The following PCDHGC4 variants were observed in gnomAD, a reference collection of about 807,000 sequenced individuals.
The protein encoded by PCDHGC4 is protocadherin gamma-C4.
In PCDHGC4, 15 loss-of-function variants were observed where a neutral mutation model predicts 59.7. The ratio of observed to expected loss-of-function variants is 0.25; its 90% CI spans 0.17 to 0.39. PCDHGC4 has a LOEUF of 0.39. Ranked by LOEUF, PCDHGC4 falls within the 10% of genes least tolerant of loss-of-function variation. The probability of loss-of-function intolerance (pLI) is 1.00; values close to 1 mark genes in which losing one functional copy is unlikely to be tolerated. For synonymous variants in PCDHGC4, 434 were observed against 481.4 expected (o/e 0.90, Z 1.29); for missense variants, 1,016 against 1,189.5 (o/e 0.85, Z 2.15).
chr5:141,490,903 C>G lies in PCDHGC4; in HGVS notation c.2442+3288C>G. 6.2e-7 allele frequency: 1 copy of G among 1,613,764 alleles called. No homozygotes were observed. The highest frequency in any genetic ancestry group is 1.7e-5 in the Admixed American group (1 of 60,022). On this transcript the variant is annotated intron_variant, in intron 1 of 3. Coordinates refer to ENST00000306593, the MANE Select transcript of PCDHGC4 (RefSeq NM_018928.3). This position sits in a 1 kb window ranked among gnomAD's most constrained non-coding sequence, Gnocchi z 5.4. ...CAACACATCTCTGCATGTGTTTGTC[C>G]TAGACGAGAATGATAATGCCCCAGC... is the stretch of plus-strand genomic sequence containing the variant.
At chr5:141,497,849 T>G (rs1337258582) in intron 2 of PCDHGC4, among the ~76,000 whole-genome samples, 1 of 152,192 alleles carries the variant, frequency 6.6e-6, no homozygotes, top group African/African-American at 2.4e-5. Flanking sequence ...ACAAACATTT[T>G]TGATTCAGCG....
rs762574320 is a variant in PCDHGC4, at chr5:141,485,926, G to A, written c.753G>A (p.Val251=). The A allele has an allele frequency of 2.0e-5, 32 of 1,614,090 alleles. No individual in the cohort carries two copies. Among genetic ancestry groups the A allele is most frequent in the Admixed American group, 1.2e-4 (7 of 60,006 alleles). ...AFQQSSYRIS[V]LESAPAGMVL... ...AGCAATCCAGCTACAGGATTAGTGT[G>A]TTGGAGAGCGCACCAGCGGGCATGG... The change falls in exon 1 of 4, where the codon GTG becomes GTA. Residue 251 remains valine, a synonymous_variant. Transcript: ENST00000306593. The surrounding 1 kb of genome is among the most constrained non-coding windows in gnomAD (Gnocchi z 5.7).
chr5:141,500,989 C>T (rs779352768), intron 2 of PCDHGC4, among the ~76,000 whole-genome samples: 1 of 152,040 alleles, frequency 6.6e-6, no homozygotes, highest in Non-Finnish European at 1.5e-5. Context: ...CTGCCTCAGC[C>T]TCCTGAGTAG....
rs553462245 is a variant in PCDHGC4 at position 141,511,198 on chromosome 5, A to T, written c.*25A>T. Reference sequence around the variant, plus strand: ...ACATGGAGGCCAGGCCAAGAGCCACAGGGCGGCCTCTCCCCAACCAGCCCA... The same window carrying T: ...ACATGGAGGCCAGGCCAAGAGCCACTGGGCGGCCTCTCCCCAACCAGCCCA... On this transcript the variant is annotated 3_prime_UTR_variant, in exon 4 of 4. Transcript: ENST00000306593. The T allele has an allele frequency of 2.7e-5, 43 of 1,612,954 alleles. 1 individual carries two copies. The South Asian group carries it at 4.5e-4, about 17-fold the overall frequency.
chr5:141,510,582 A>G (rs1156375287), intron 3 of PCDHGC4, among the ~76,000 whole-genome samples: 2 of 152,166 alleles, frequency 1.3e-5, no homozygotes, highest in Non-Finnish European at 2.9e-5. Context: ...TATTTTACGT[A>G]CCTGACATAC....
At chr5:141,504,570 AC>A (rs1468526948) in intron 2 of PCDHGC4, among the ~76,000 whole-genome samples, 1 of 148,874 alleles carries the variant, frequency 6.7e-6, no homozygotes, top group Admixed American at 6.9e-5. Flanking sequence ...ATTCTAGGGA[AC>A]ACCATCTGCC....
At position 141,489,090 on chromosome 5, in the gene PCDHGC4, C is replaced by A; in HGVS notation, c.2442+1475C>A. On this transcript the variant is annotated intron_variant, in intron 1 of 3. Transcript: ENST00000306593. The surrounding 1 kb of genome is among the most constrained non-coding windows in gnomAD (Gnocchi z 4.5). Reference sequence around the variant, plus strand: ...CCTGCCCACCCCCGCCACTCGGTGACTAAGAACTGCTGCAAGCAGGCAAAC... The same window carrying A: ...CCTGCCCACCCCCGCCACTCGGTGAATAAGAACTGCTGCAAGCAGGCAAAC... The A allele has an allele frequency of 1.5e-5, 5 of 328,802 alleles. No individual in the cohort carries two copies. The highest frequency in any genetic ancestry group is 4.8e-5 in the East Asian group (1 of 20,928). 20.4% of individuals were successfully genotyped at this position (328,802 alleles called of 1,614,324 possible).
rs1484954022 is a variant in PCDHGC4 at position 141,511,920 on chromosome 5, T to C, written c.*747T>C. 1 of 156,200 alleles carries C rather than the reference T, an allele frequency of 6.4e-6. No individual in the cohort carries two copies. Among genetic ancestry groups the C allele is most frequent in the Non-Finnish European group, 1.4e-5 (1 of 70,262 alleles). The allele number at this position is 156,200 out of a possible 1,614,324, so 9.7% of individuals were successfully genotyped here. The stretch of plus-strand genomic sequence containing the variant: ...CTCCTCCTCAAACAAGAGACTCCAC[T>C]GCATGTTCCAAGACAGTATGGGGTG... On this transcript the variant is annotated 3_prime_UTR_variant, in exon 4 of 4. Coordinates refer to ENST00000306593, the MANE Select transcript of PCDHGC4 (RefSeq NM_018928.3).
chr5:141,489,089 A>C lies in PCDHGC4; in HGVS notation c.2442+1474A>C. 6 of 284,452 alleles carry C rather than the reference A, an allele frequency of 2.1e-5. No individual in the cohort carries two copies. The highest frequency in any genetic ancestry group is 5.7e-5 in the East Asian group (1 of 17,568). The allele number at this position is 284,452 out of a possible 1,614,324, so 17.6% of individuals were successfully genotyped here. A position where few individuals can be genotyped will look rare whatever the true frequency, so the allele number is the denominator to read the frequency against. Reference sequence around the variant, plus strand: ...CCCTGCCCACCCCCGCCACTCGGTGACTAAGAACTGCTGCAAGCAGGCAAA... The same window carrying C: ...CCCTGCCCACCCCCGCCACTCGGTGCCTAAGAACTGCTGCAAGCAGGCAAA... On this transcript the variant is annotated intron_variant, in intron 1 of 3. Transcript: ENST00000306593. This position sits in a 1 kb window ranked among gnomAD's most constrained non-coding sequence, Gnocchi z 4.5.
chr5:141,504,510 C>T (rs2099838864), intron 2 of PCDHGC4, among the ~76,000 whole-genome samples: 1 of 151,952 alleles, frequency 6.6e-6, no homozygotes, highest in Non-Finnish European at 1.5e-5. Context: ...GAGTGGATCT[C>T]CTCTGATATA....
Position 141,490,983 on chromosome 5 carries a change from C to T in PCDHGC4, c.2442+3368C>T. ...ACTCAGCCCCCCAGCGTCTCCCTCG[C>T]TCTGCTCCTCCTGGCTCCTTGGTCA... On this transcript the variant is annotated intron_variant, in intron 1 of 3. Transcript: ENST00000306593. The surrounding 1 kb of genome is among the most constrained non-coding windows in gnomAD (Gnocchi z 5.4). 2 of 1,614,120 alleles carry T rather than the reference C, an allele frequency of 1.2e-6. No individual in the cohort carries two copies. Among genetic ancestry groups the T allele is most frequent in the South Asian group, 2.2e-5 (2 of 91,082 alleles).
At chr5:141,497,768 G>A (rs920949258) in intron 2 of PCDHGC4, among the ~76,000 whole-genome samples, 8 of 152,070 alleles carry the variant, frequency 5.3e-5, no homozygotes, top group East Asian at 1.9e-4. Flanking sequence ...CAAACTCCCC[G>A]ACCTCAACTG....
At chr5:141,510,311 C>T (rs375516156) in intron 3 of PCDHGC4, among the ~76,000 whole-genome samples, 98 of 151,056 alleles carry the variant, frequency 6.5e-4, no homozygotes, top group African/African-American at 2.3e-3. Flanking sequence ...GAAATGGAGG[C>T]TTGGAAGAGC....
intron 3 of PCDHGC4, among the ~76,000 whole-genome samples, chr5:141,509,532 A>C (rs2099877210): frequency 6.6e-6 from 1 of 152,124 alleles, no homozygotes; most frequent in African/African-American, 2.4e-5. Flanking sequence ...GCACAGGATG[A>C]AGCACCATCT....
chr5:141,497,730 G>T (rs13182286), intron 2 of PCDHGC4, among the ~76,000 whole-genome samples: 247 of 152,136 alleles, frequency 1.6e-3, no homozygotes, highest in Non-Finnish European at 2.8e-3. Flanking sequence ...AGTAGAGATG[G>T]GTTTCGCCAC....
At chr5:141,496,817 T>C (rs2099771666) in intron 2 of PCDHGC4, among the ~76,000 whole-genome samples, 1 of 151,020 alleles carries the variant, frequency 6.6e-6, no homozygotes, top group Non-Finnish European at 1.5e-5. Flanking sequence ...AGTGAACAAG[T>C]AGATGTGATC....
intron 2 of PCDHGC4, among the ~76,000 whole-genome samples, chr5:141,495,663 G>T (rs756466649): frequency 6.6e-6 from 1 of 152,050 alleles, no homozygotes; most frequent in African/African-American, 2.4e-5. Context: ...GATCTGTGCC[G>T]CCCACTGTGC....
Position 141,490,849 on chromosome 5 carries a change from C to T in PCDHGC4, c.2442+3234C>T, listed in dbSNP as rs200640560. The stretch of plus-strand genomic sequence containing the variant: ...GATGCTGCAGATTGTGGTGGGGGTT[C>T]GAGACTCCGGCTCTCCCCCATTGCA... On this transcript the variant is annotated intron_variant, in intron 1 of 3. Coordinates refer to ENST00000306593, the MANE Select transcript of PCDHGC4 (RefSeq NM_018928.3). This position sits in a 1 kb window ranked among gnomAD's most constrained non-coding sequence, Gnocchi z 5.4. The T allele has an allele frequency of 1.3e-5, 21 of 1,613,748 alleles. No individual in the cohort carries two copies. Among genetic ancestry groups the T allele is most frequent in the Admixed American group, 1.7e-5 (1 of 60,022 alleles).
rs558074504 is a variant in PCDHGC4, at chr5:141,489,065, C to G, written c.2442+1450C>G. On this transcript the variant is annotated intron_variant, in intron 1 of 3. Coordinates refer to ENST00000306593, the MANE Select transcript of PCDHGC4 (RefSeq NM_018928.3). This position sits in a 1 kb window ranked among gnomAD's most constrained non-coding sequence, Gnocchi z 4.5. ...CCACTCAAATTCAGCTCCCCTCCCC[C>G]CTGCCCACCCCCGCCACTCGGTGAC... is the stretch of plus-strand genomic sequence containing the variant. The G allele has an allele frequency of 1.5e-4, 57 of 389,046 alleles. No homozygotes were observed. Among genetic ancestry groups the G allele is most frequent in the African/African-American group, 8.5e-4 (40 of 47,278 alleles). 24.1% of individuals were successfully genotyped at this position (389,046 alleles called of 1,614,324 possible).
Sources: gnomAD v4.1 joint callset for allele counts (sites outside exome capture counted in the v4.1 genomes callset) on GRCh38, gnomAD v4.1.1 for gene constraint, Gnocchi (gnomAD v3.1) non-coding constraint, MANE v1.5 for transcripts, NCBI Gene and HGNC (gene_info 2026-07-23, HGNC 2026-07-21) for gene names.